TMEM108: variants seen among roughly 807,000 people sequenced by gnomAD.
TMEM108 encodes transmembrane protein 108.
TMEM108 carries 12 observed loss-of-function variants against 35.1 expected under a neutral mutation model. That is an observed-to-expected ratio of 0.34 (90% confidence interval 0.22 to 0.55). The LOEUF (loss-of-function observed/expected upper bound fraction) is 0.55, where lower values mean the gene tolerates loss of function less well. TMEM108 is among the 20% of genes least tolerant of loss of function. The probability of loss-of-function intolerance (pLI) is 0.89; values close to 1 mark genes in which losing one functional copy is unlikely to be tolerated. For missense variants in TMEM108, 680 were observed against 753.3 expected (o/e 0.90, Z 1.14); for synonymous variants, 287 against 308.6 (o/e 0.93, Z 0.73).
intron 2 of TMEM108, among the ~76,000 whole-genome samples, chr3:133,101,664 A>G (rs1944089579): frequency 6.6e-6 from 1 of 152,262 alleles, no homozygotes; most frequent in African/African-American, 2.4e-5. Flanking sequence ...TTAGTATCTT[A>G]AAATGTTTAT....
rs373659880 is a variant in TMEM108, at chr3:133,187,032, A to G, written c.-46-42234A>G. 2.6e-5 allele frequency among the ~76,000 whole-genome samples: 4 copies of G among 152,216 alleles called. No individual in the cohort carries two copies. The South Asian group carries it at 8.3e-4, about 32-fold the overall frequency. ...TCACACTATAACGTGAAGGAATTGT[A>G]CTATATTTGATTGTAAGCCCTTCAC... On this transcript the variant is annotated intron_variant, in intron 2 of 5. Coordinates refer to ENST00000321871, the MANE Select transcript of TMEM108 (RefSeq NM_023943.4).
intron 2 of TMEM108, among the ~76,000 whole-genome samples, chr3:133,113,962 C>A (rs1325643654): frequency 2.0e-5 from 3 of 152,024 alleles, no homozygotes; most frequent in African/African-American, 7.2e-5. Flanking sequence ...CTTTTTAGGT[C>A]CACTTTGGGA....
intron 3 of TMEM108, among the ~76,000 whole-genome samples, chr3:133,332,686 G>C (rs963949031): frequency 2.6e-5 from 4 of 152,074 alleles, no homozygotes; most frequent in Non-Finnish European, 5.9e-5. Flanking sequence ...GGAGATAGAG[G>C]GTTATACCTT....
intron 2 of TMEM108, among the ~76,000 whole-genome samples, chr3:133,085,707 A>T (rs1009829655): frequency 6.6e-6 from 1 of 152,086 alleles, no homozygotes; most frequent in East Asian, 1.9e-4. Flanking sequence ...ATGTCCCATT[A>T]AGGTGTCATG....
At chr3:133,078,158 T>TGTGTGTGTGTGTGTGTGC (rs770304551) in intron 2 of TMEM108, among the ~76,000 whole-genome samples, 2 of 116,772 alleles carry the variant, frequency 1.7e-5, no homozygotes, top group African/African-American at 6.4e-5. Context: ...TGTGTGTGTG[T>TGTGTGTGTGTGTGTGTGC]GCACGCGCGC....
chr3:133,099,242 T>C (rs1944055338), intron 2 of TMEM108, among the ~76,000 whole-genome samples: 1 of 152,144 alleles, frequency 6.6e-6, no homozygotes, highest in African/African-American at 2.4e-5. Context: ...CTGCGTTGGC[T>C]CCTTTCAGCC....
At chr3:133,195,392 A>G (rs1253864445) in intron 2 of TMEM108, among the ~76,000 whole-genome samples, 1 of 152,210 alleles carries the variant, frequency 6.6e-6, no homozygotes, top group African/African-American at 2.4e-5. Context: ...TTTCTCTTCC[A>G]AACATTCTTC....
chr3:133,129,478 A>G (rs1259191601), intron 2 of TMEM108, among the ~76,000 whole-genome samples: 1 of 152,124 alleles, frequency 6.6e-6, no homozygotes, highest in Non-Finnish European at 1.5e-5. Flanking sequence ...CCATTAAAAC[A>G]ATAACTACCA....
intron 3 of TMEM108, among the ~76,000 whole-genome samples, chr3:133,264,738 C>A (rs1040146764): frequency 6.6e-6 from 1 of 152,076 alleles, no homozygotes; most frequent in African/African-American, 2.4e-5. Context: ...ATAAAAAGAA[C>A]AGGGTTTGAA....
chr3:133,205,961 C>T (rs1335026551), intron 2 of TMEM108, among the ~76,000 whole-genome samples: 1 of 152,222 alleles, frequency 6.6e-6, no homozygotes, highest in African/African-American at 2.4e-5. Context: ...GGTGTTTTCA[C>T]ATAGTCCCAT....
intron 2 of TMEM108, among the ~76,000 whole-genome samples, chr3:133,194,904 C>G (rs1000906528): frequency 6.6e-6 from 1 of 152,110 alleles, no homozygotes; most frequent in Admixed American, 6.6e-5. Context: ...GTGTCTGCCC[C>G]CCGGCACTAA....
chr3:133,182,563 G>A (rs115893080), intron 2 of TMEM108, among the ~76,000 whole-genome samples: 2,610 of 152,190 alleles, frequency 0.017, 99 homozygotes, highest in African/African-American at 0.059. Context: ...TCATGATAAG[G>A]CAATTTCCTT....
intron 2 of TMEM108, among the ~76,000 whole-genome samples, chr3:133,082,548 G>A (rs1943826393): frequency 6.6e-6 from 1 of 152,176 alleles, no homozygotes; most frequent in South Asian, 2.1e-4. Context: ...TTGTCATAGT[G>A]TATTAATTAG....
In TMEM108 at chr3:133,319,717, T is replaced by C. The variant is rs576398667; in HGVS notation, c.41-60035T>C. Among the ~76,000 whole-genome samples the C allele has an allele frequency of 1.4e-4, 22 of 152,242 alleles. No homozygotes were observed. The South Asian group carries it at 4.6e-3, about 32-fold the overall frequency. On this transcript the variant is annotated intron_variant, in intron 3 of 5. Transcript: ENST00000321871. ...TGCATCACAGGACTCTTTGCAGACA[T>C]TCCCTAGCGCCAACCCAGAGCCTGG...
chr3:133,387,703 G>T, intron 4 of TMEM108: 1 of 649,020 alleles, frequency 1.5e-6, no homozygotes, highest in Non-Finnish European at 1.9e-6. Context: ...TGTGCACCAG[G>T]GACAATTTGA....
intron 3 of TMEM108, among the ~76,000 whole-genome samples, chr3:133,353,752 T>C (rs2072077022): frequency 6.6e-6 from 1 of 152,186 alleles, no homozygotes; most frequent in Admixed American, 6.5e-5. Flanking sequence ...ATAGAGGTGG[T>C]TTAGGAGCCT....
chr3:133,120,950 TTAACGG>T (rs1239133845), intron 2 of TMEM108: 2 of 152,220 alleles, frequency 1.3e-5, no homozygotes, highest in Non-Finnish European at 2.9e-5. Flanking sequence ...CTTGCTCTTG[TTAACGG>T]TAAGGCCTTT....
intron 2 of TMEM108, among the ~76,000 whole-genome samples, chr3:133,174,057 A>G (rs1945171683): frequency 6.6e-6 from 1 of 152,238 alleles, no homozygotes; most frequent in African/African-American, 2.4e-5. Flanking sequence ...AGAGGGTCCT[A>G]TTCCCACGGA....
chr3:133,224,526 T>G (rs1271967046), intron 2 of TMEM108, among the ~76,000 whole-genome samples: 1 of 152,142 alleles, frequency 6.6e-6, no homozygotes, highest in Non-Finnish European at 1.5e-5. Flanking sequence ...GGAAGATAAT[T>G]GAATCATGGG....
Sources: gnomAD v4.1 joint callset for allele counts (sites outside exome capture counted in the v4.1 genomes callset) on GRCh38, gnomAD v4.1.1 for gene constraint, MANE v1.5 for transcripts, NCBI Gene and HGNC (gene_info 2026-07-23, HGNC 2026-07-21) for gene names.